The following IKZF1 variants were observed in gnomAD, a reference collection of about 807,000 sequenced individuals.
IKZF1 encodes the protein IKAROS family zinc finger 1, also known as DNA-binding protein Ikaros.
Under a neutral mutation model 51.7 loss-of-function variants are expected in IKZF1, and 10 were observed. That is an observed-to-expected ratio of 0.19 (90% confidence interval 0.12 to 0.33). The LOEUF is 0.33. IKZF1 is among the 10% of genes least tolerant of loss of function. The probability of loss-of-function intolerance (pLI) is 1.00; values close to 1 mark genes in which losing one functional copy is unlikely to be tolerated. For synonymous variants in IKZF1, 280 were observed against 282.3 expected (o/e 0.99, Z 0.08); for missense variants, 484 against 707.5 (o/e 0.68, Z 3.58).
chr7:50,361,127 CCAGCCCTCTTAGTTTTCTT>C (rs555660528), intron 3 of IKZF1, among the ~76,000 whole-genome samples: 62 of 152,244 alleles, frequency 4.1e-4, no homozygotes, highest in Non-Finnish European at 8.5e-4. Flanking sequence ...CATTGTTCCT[CCAGCCCTCTTAGTTTTCTT>C]CAGCCTTTCT....
At chr7:50,349,412 G>C (rs1041361847) in intron 3 of IKZF1, among the ~76,000 whole-genome samples, 3 of 152,230 alleles carry the variant, frequency 2.0e-5, no homozygotes, top group Admixed American at 6.5e-5. Flanking sequence ...GAAGCGCATG[G>C]AATTTTTAGA....
Position 50,403,492 on chromosome 7 carries a change from C to T in IKZF1, c.*2865C>T, listed in dbSNP as rs181156489. 4 of 228,506 alleles carry T rather than the reference C, an allele frequency of 1.8e-5. No individual in the cohort carries two copies. Among genetic ancestry groups the T allele is most frequent in the Non-Finnish European group, 3.5e-5 (4 of 115,154 alleles). 14.2% of individuals were successfully genotyped at this position (228,506 alleles called of 1,614,324 possible). On this transcript the variant is annotated 3_prime_UTR_variant, in exon 8 of 8. Transcript: ENST00000331340. The stretch of plus-strand genomic sequence containing the variant: ...TGGCCTGTTGATTACAGCTAGTAAT[C>T]GCTGTGTCTTGTTCCGCCCCCTCCC...
chr7:50,331,087 G>A (rs1011578731), intron 3 of IKZF1, among the ~76,000 whole-genome samples: 344 of 152,190 alleles, frequency 2.3e-3, no homozygotes, highest in African/African-American at 7.9e-3. Flanking sequence ...ATTTGTTGAA[G>A]ACAGAGTAGC....
intron 2 of IKZF1, among the ~76,000 whole-genome samples, chr7:50,324,946 A>G (rs535358982): frequency 6.6e-6 from 1 of 152,262 alleles, no homozygotes; most frequent in African/African-American, 2.4e-5. Context: ...GGGAAAAGCT[A>G]TAGGAGGAAA....
upstream of IKZF1, chr7:50,304,088 G>C (rs1019609861): frequency 2.7e-5 from 4 of 145,706 alleles, no homozygotes; most frequent in Non-Finnish European, 6.1e-5. Flanking sequence ...CGGGCGAGCG[G>C]GCTGCAGCCG....
chr7:50,382,763 C>T (rs1812209899), intron 5 of IKZF1, 56 bp downstream of exon 5: 3 of 1,539,086 alleles, frequency 1.9e-6, no homozygotes, highest in Non-Finnish European at 2.6e-6. Context: ...TTCCTCCACT[C>T]TGCCCGCCTG....
At chr7:50,368,996 T>G (rs1187504389) in intron 3 of IKZF1, 1 of 223,552 alleles carries the variant, frequency 4.5e-6, no homozygotes, top group Non-Finnish European at 8.9e-6. Context: ...AAGTACATCT[T>G]TTTGCTCACA....
intron 1 of IKZF1, among the ~76,000 whole-genome samples, chr7:50,307,110 C>T (rs936458359): frequency 3.3e-5 from 5 of 152,100 alleles, no homozygotes; most frequent in Non-Finnish European, 5.9e-5. Flanking sequence ...TATTTTTAAA[C>T]TTTTACTAAA....
At chr7:50,368,645 G>T in intron 3 of IKZF1, 1 of 324,488 alleles carries the variant, frequency 3.1e-6, no homozygotes, top group Non-Finnish European at 5.6e-6. Context: ...ACCAAAAACA[G>T]ATGTGAATTT....
At chr7:50,312,142 A>AT (rs1396103701) in intron 1 of IKZF1, among the ~76,000 whole-genome samples, 12 of 152,176 alleles carry the variant, frequency 7.9e-5, no homozygotes, top group Non-Finnish European at 1.0e-4. Flanking sequence ...CTAAACTTAG[A>AT]TTTTTTTAAC....
chr7:50,342,659 T>C (rs1799323226), intron 3 of IKZF1, among the ~76,000 whole-genome samples: 1 of 151,866 alleles, frequency 6.6e-6, no homozygotes, highest in Non-Finnish European at 1.5e-5. Context: ...TTTTTTTTTT[T>C]TTTTCAAAGA....
At chr7:50,390,209 CT>C (rs1465285988) in intron 6 of IKZF1, among the ~76,000 whole-genome samples, 1 of 152,118 alleles carries the variant, frequency 6.6e-6, no homozygotes, top group Non-Finnish European at 1.5e-5. Flanking sequence ...GGGGTGGAGG[CT>C]TTTGGGAGGC....
chr7:50,395,024 T>C lies in IKZF1; in HGVS notation c.850+3161T>C, dbSNP rs527657726. Among the ~76,000 whole-genome samples, 16 of 152,354 alleles carry C rather than the reference T, an allele frequency of 1.1e-4. No homozygotes were observed. In the East Asian group the frequency reaches 2.9e-3, roughly 28 times the overall value. On this transcript the variant is annotated intron_variant, in intron 7 of 7. Coordinates refer to ENST00000331340, the MANE Select transcript of IKZF1 (RefSeq NM_006060.6). ...ATATTCCTGCTACCCATTATAATTATCTAGGTATATTTTCTTCTTTTGTAA... is the reference window on the plus strand; with the variant it reads ...ATATTCCTGCTACCCATTATAATTACCTAGGTATATTTTCTTCTTTTGTAA...
At chr7:50,335,928 C>T (rs1037194919) in intron 3 of IKZF1, among the ~76,000 whole-genome samples, 6 of 151,996 alleles carry the variant, frequency 3.9e-5, no homozygotes, top group Admixed American at 2.0e-4. Flanking sequence ...GAGGTGAGGG[C>T]GCCCCCTCAC....
intron 4 of IKZF1, 142 bp from the exon 5 acceptor site, chr7:50,382,398 T>G (rs576668311): frequency 1.8e-5 from 22 of 1,230,774 alleles, no homozygotes; most frequent in South Asian, 9.6e-5. Flanking sequence ...GCTGGCAGGT[T>G]TAGTCTGAAA....
intron 7 of IKZF1, among the ~76,000 whole-genome samples, chr7:50,395,673 C>G (rs1328904936): frequency 6.6e-6 from 1 of 151,998 alleles, no homozygotes; most frequent in Non-Finnish European, 1.5e-5. Context: ...GGATCAGACC[C>G]TGCCCTTTTC....
At chr7:50,394,814 C>A (rs557741852) in intron 7 of IKZF1, among the ~76,000 whole-genome samples, 3 of 152,326 alleles carry the variant, frequency 2.0e-5, no homozygotes, top group South Asian at 2.1e-4. Flanking sequence ...TTCCTCACCA[C>A]TGGGGCCATT....
rs1359579691 is a variant in IKZF1 at position 50,317,391 on chromosome 7, TTCTTTA to T, written c.-14-1654_-14-1649del. On this transcript the variant is annotated intron_variant, in intron 1 of 7. Coordinates refer to ENST00000331340, the MANE Select transcript of IKZF1 (RefSeq NM_006060.6). ...TTTTTCTCATTTGAGTCTATCTTGCTTCTTTATCATTGTTTTGACAGTTTCAGAAGA... is the reference window on the plus strand; with the variant it reads ...TTTTTCTCATTTGAGTCTATCTTGCTTCATTGTTTTGACAGTTTCAGAAGA... 5.3e-5 allele frequency among the ~76,000 whole-genome samples: 8 copies of T among 152,378 alleles called. No individual in the cohort carries two copies. The East Asian group carries it at 1.5e-3, about 29-fold the overall frequency.
chr7:50,337,525 G>A lies in IKZF1; in HGVS notation c.160+9768G>A, dbSNP rs1443871236. On this transcript the variant is annotated intron_variant, in intron 3 of 7. Coordinates refer to ENST00000331340, the MANE Select transcript of IKZF1 (RefSeq NM_006060.6). ...CCTTGCCCTGCCTTATAGCAGCAAC[G>A]TCACCACTCGTAGATGAAGGACTCA... Among the ~76,000 whole-genome samples, 17 of 152,276 alleles carry A rather than the reference G, an allele frequency of 1.1e-4. No individual in the cohort carries two copies. In the East Asian group the frequency reaches 3.3e-3, roughly 29 times the overall value.
Sources: allele counts gnomAD v4.1 joint callset (sites outside exome capture counted in the v4.1 genomes callset), GRCh38; gene constraint gnomAD v4.1.1; transcripts MANE v1.5; gene names NCBI Gene and HGNC (gene_info 2026-07-23, HGNC 2026-07-21).